SRFBP1: variants seen among roughly 807,000 people sequenced by gnomAD.
SRFBP1 encodes the protein serum response factor-binding protein 1.
Under a neutral mutation model 45.5 loss-of-function variants are expected in SRFBP1, and 47 were observed. That is an observed-to-expected ratio of 1.03 (90% CI 0.82 to 1.32). The LOEUF (loss-of-function observed/expected upper bound fraction) is 1.32. Ranked by LOEUF, SRFBP1 falls within the 40% of genes most tolerant of loss-of-function variation. The pLI, the probability that SRFBP1 is intolerant of heterozygous loss-of-function variation, is 0.00. For missense variants in SRFBP1, 621 were observed against 484.6 expected (o/e 1.28, Z -2.64); for synonymous variants, 203 against 166.3 (o/e 1.22, Z -1.70).
intron 2 of SRFBP1, among the ~76,000 whole-genome samples, chr5:122,055,747 G>C: frequency 6.6e-6 from 1 of 152,110 alleles, no homozygotes; most frequent in East Asian, 1.9e-4. Context: ...AGCAAATATT[G>C]TATTTAATGG....
At chr5:122,045,019 T>G (rs1753833708) in intron 2 of SRFBP1, among the ~76,000 whole-genome samples, 1 of 152,204 alleles carries the variant, frequency 6.6e-6, no homozygotes, top group Non-Finnish European at 1.5e-5. Context: ...TTAATCCATC[T>G]TGAGTTAATT....
At chr5:122,071,789 A>G (rs1006215310) in intron 2 of SRFBP1, among the ~76,000 whole-genome samples, 3 of 152,206 alleles carry the variant, frequency 2.0e-5, no homozygotes, top group Non-Finnish European at 4.4e-5. Flanking sequence ...GTCACCCAAG[A>G]GACAGTAAAA....
At chr5:122,014,030 T>G (rs914930266) in intron 4 of SRFBP1, among the ~76,000 whole-genome samples, 1 of 152,168 alleles carries the variant, frequency 6.6e-6, no homozygotes, top group African/African-American at 2.4e-5. Context: ...AGAGAGGATT[T>G]AAAATGTTCC....
chr5:122,064,743 TGTGA>T (rs1366079534), intron 2 of SRFBP1: 1 of 151,938 alleles, frequency 6.6e-6, no homozygotes, highest in Admixed American at 6.6e-5. Context: ...ATGCATACCA[TGTGA>T]GTACTTGGCA....
At chr5:121,963,062 A>G (rs1008271628) in intron 1 of SRFBP1, among the ~76,000 whole-genome samples, 4 of 152,220 alleles carry the variant, frequency 2.6e-5, no homozygotes, top group African/African-American at 9.6e-5. Flanking sequence ...CTTGGTCTTT[A>G]GGGATCTTGC....
At chr5:121,963,991 G>A (rs1027563908) in intron 1 of SRFBP1, among the ~76,000 whole-genome samples, 2 of 151,952 alleles carry the variant, frequency 1.3e-5, no homozygotes, top group African/African-American at 4.8e-5. Flanking sequence ...CCCTTAATAG[G>A]AAATACCTCA....
In SRFBP1 at chr5:121,962,064, A is replaced by T; in HGVS notation, c.32A>T (p.Asn11Ile). The change falls in exon 1 of 8, where the codon AAC becomes ATC. Residue 11 changes from asparagine (N) to isoleucine (I), a missense_variant. By Grantham distance (149) the Asn-to-Ile change is moderately radical (BLOSUM62 -3). Coordinates refer to ENST00000339397, the MANE Select transcript of SRFBP1 (RefSeq NM_152546.3). ...CAGCCGGGAACTCTGAACCTCAATA[A>T]CGAGGTGAGCGCCGAGGAACCTATG... MAQPGTLNLN[N>I]EVVKMRKEVK... is the part of the protein sequence containing the mutation. The T allele has an allele frequency of 6.2e-7, 1 of 1,613,968 alleles. No homozygotes were observed. Among genetic ancestry groups the T allele is most frequent in the South Asian group, 1.1e-5 (1 of 91,072 alleles).
chr5:122,009,306 A>G (rs1454735064), intron 4 of SRFBP1, among the ~76,000 whole-genome samples: 1 of 152,176 alleles, frequency 6.6e-6, no homozygotes, highest in Non-Finnish European at 1.5e-5. Flanking sequence ...CAGGTTGGAA[A>G]TAGCTGCCTT....
intron 2 of SRFBP1, among the ~76,000 whole-genome samples, chr5:122,039,779 T>C (rs1163643512): frequency 6.6e-6 from 1 of 152,176 alleles, no homozygotes; most frequent in Non-Finnish European, 1.5e-5. Flanking sequence ...TTAGGGAGTT[T>C]ATCTGTTACT....
intron 2 of SRFBP1, among the ~76,000 whole-genome samples, chr5:122,053,714 C>G (rs1184078290): frequency 1.3e-5 from 2 of 151,486 alleles, no homozygotes; most frequent in East Asian, 1.9e-4. Context: ...ACCCTGCTGT[C>G]CAAGTGTTTC....
chr5:122,074,007 A>G lies in SRFBP1; in HGVS notation n.312-1308A>G, dbSNP rs753216809. 4.3e-6 allele frequency: 7 copies of G among 1,610,150 alleles called. No homozygotes were observed. The African/African-American group carries it at 5.3e-5, about 12-fold the overall frequency. On this transcript the variant is annotated intron_variant and non_coding_transcript_variant, in intron 2 of 2. Transcript: ENST00000504881. ...TGAGGTTCTGGATTTCAGGGTGCCAACATACCTGTGTGTGTGCAGTACATG... is the reference window on the plus strand; with the variant it reads ...TGAGGTTCTGGATTTCAGGGTGCCAGCATACCTGTGTGTGTGCAGTACATG...
chr5:122,023,832 A>G (rs571927138), intron 7 of SRFBP1, among the ~76,000 whole-genome samples: 1 of 152,334 alleles, frequency 6.6e-6, no homozygotes, highest in East Asian at 1.9e-4. Flanking sequence ...TGTTTCCTTC[A>G]GTCCGTCTGT....
chr5:121,984,728 C>A (rs1438382978), intron 3 of SRFBP1, among the ~76,000 whole-genome samples: 1 of 151,608 alleles, frequency 6.6e-6, no homozygotes, highest in Non-Finnish European at 1.5e-5. Context: ...TTAAGATGAC[C>A]ATTGCCTTCA....
intron 2 of SRFBP1, among the ~76,000 whole-genome samples, chr5:122,053,649 C>T (rs1489483053): frequency 6.6e-6 from 1 of 152,054 alleles, no homozygotes; most frequent in Non-Finnish European, 1.5e-5. Context: ...GCTGGAAGCT[C>T]TAGCAGGTGT....
At chr5:122,019,104 G>A (rs1280862839) in intron 4 of SRFBP1, among the ~76,000 whole-genome samples, 156 bp from the exon 5 acceptor site, 1 of 151,964 alleles carries the variant, frequency 6.6e-6, no homozygotes, top group Non-Finnish European at 1.5e-5. Context: ...TCTTTAGCAT[G>A]GATTGATTAT....
chr5:122,011,971 A>T (rs182301548), intron 4 of SRFBP1, among the ~76,000 whole-genome samples: 56 of 152,258 alleles, frequency 3.7e-4, no homozygotes, highest in Admixed American at 1.2e-3. Flanking sequence ...TCAAAAACAC[A>T]TGAAGGGAGC....
chr5:122,050,550 T>TGTTGG (rs977531419), intron 2 of SRFBP1, among the ~76,000 whole-genome samples: 1 of 152,114 alleles, frequency 6.6e-6, no homozygotes, highest in African/African-American at 2.4e-5. Context: ...TAGTAGTCTC[T>TGTTGG]GTTGGGTTTT....
At chr5:121,986,569 G>A (rs1275789916) in intron 3 of SRFBP1, among the ~76,000 whole-genome samples, 2 of 151,994 alleles carry the variant, frequency 1.3e-5, no homozygotes, top group African/African-American at 2.4e-5. Context: ...GATCAATGTG[G>A]TTGCGATTCA....
Position 122,021,729 on chromosome 5 carries a change from T to G in SRFBP1, c.1068-641T>G, listed in dbSNP as rs1753326766. Reference sequence around the variant, plus strand: ...TCTCACTCTATCACCCAGGCTGGAGTGCAGTGGTGTGATCTTGGCTCACTG... The same window carrying G: ...TCTCACTCTATCACCCAGGCTGGAGGGCAGTGGTGTGATCTTGGCTCACTG... On this transcript the variant is annotated intron_variant, in intron 6 of 7. Transcript: ENST00000339397. Among the ~76,000 whole-genome samples the G allele has an allele frequency of 2.8e-5, 4 of 141,036 alleles. No homozygotes were observed. In the South Asian group the frequency reaches 9.0e-4, roughly 32 times the overall value. The allele number at this position is 141,036 out of a possible 152,430, so 92.5% of individuals were successfully genotyped here. A position where few individuals can be genotyped will look rare whatever the true frequency, so the allele number is the denominator to read the frequency against.
Sources: gnomAD v4.1 joint callset for allele counts (sites outside exome capture counted in the v4.1 genomes callset) on GRCh38, gnomAD v4.1.1 for gene constraint, MANE v1.5 for transcripts, NCBI Gene and HGNC (gene_info 2026-07-23, HGNC 2026-07-21) for gene names.